Variants in DYTN observed in about 807,000 individuals in gnomAD.
DYTN encodes dystrotelin.
A neutral mutation model predicts 69.6 loss-of-function variants in DYTN; 75 were observed. The ratio of observed to expected loss-of-function variants is 1.08; its 90% CI spans 0.89 to 1.31. The LOEUF is 1.31. Among genes scored for constraint, DYTN ranks in the 50% most tolerant of loss-of-function variants. The pLI is 0.00. For synonymous variants in DYTN, 252 were observed against 249.1 expected, an observed-to-expected ratio of 1.01 and a Z score of -0.11; for missense variants, 726 against 688.4, an observed-to-expected ratio of 1.05 and a Z score of -0.61.
intron 11 of DYTN, among the ~76,000 whole-genome samples, chr2:206,653,244 C>G (rs1468483425): frequency 1.3e-5 from 2 of 152,140 alleles, no homozygotes; most frequent in Non-Finnish European, 2.9e-5. Context: ...AATAGGAAAG[C>G]CATAATCAAT....
Position 206,651,735 on chromosome 2 carries a change from G to A in DYTN, c.*83C>T, listed in dbSNP as rs1274458952. Reference sequence around the variant, plus strand: ...GTTCACACTAAACTATTAAAAGAAAGGTAGAAGTCTTAATTCTTTTAATAC... The same window carrying A: ...GTTCACACTAAACTATTAAAAGAAAAGTAGAAGTCTTAATTCTTTTAATAC... On this transcript the variant is annotated 3_prime_UTR_variant, in exon 12 of 12. Coordinates refer to ENST00000452335, the MANE Select transcript of DYTN (RefSeq NM_001093730.1). The A allele has an allele frequency of 1.6e-6, 2 of 1,266,158 alleles. No individual in the cohort carries two copies. The highest frequency in any genetic ancestry group is 1.1e-6 in the Non-Finnish European group (1 of 886,926). The allele number at this position is 1,266,158 out of a possible 1,614,324, so 78.4% of individuals were successfully genotyped here. A position where few individuals can be genotyped will look rare whatever the true frequency, so the allele number is the denominator to read the frequency against.
intron 5 of DYTN, among the ~76,000 whole-genome samples, chr2:206,704,225 C>T (rs751445812): frequency 2.6e-5 from 4 of 152,028 alleles, no homozygotes; most frequent in East Asian, 1.9e-4. Context: ...TGACAAGTGC[C>T]GCAACAAAGT....
intron 5 of DYTN, among the ~76,000 whole-genome samples, 174 bp from the exon 6 acceptor site, chr2:206,700,390 T>A (rs1453336080): frequency 6.6e-6 from 1 of 152,046 alleles, no homozygotes; most frequent in Non-Finnish European, 1.5e-5. Flanking sequence ...TTTTGTGCAA[T>A]GTTTGGGTTA....
intron 1 of DYTN, among the ~76,000 whole-genome samples, chr2:206,711,809 C>A (rs1466419075): frequency 2.9e-5 from 4 of 137,576 alleles, no homozygotes; most frequent in Non-Finnish European, 6.1e-5. Flanking sequence ...TTGTTCAATT[C>A]TCTTACCTTT....
At chr2:206,666,732 G>GGTGTGTGT (rs1288288446) in intron 9 of DYTN, among the ~76,000 whole-genome samples, 5 of 122,386 alleles carry the variant, frequency 4.1e-5, no homozygotes, top group African/African-American at 1.6e-4. Flanking sequence ...CTCACTCATG[G>GGTGTGTGT]GTGTGCGTGT....
At chr2:206,706,664 T>TATTCTAAAGGATGA (rs1700030802) in intron 3 of DYTN, among the ~76,000 whole-genome samples, 1 of 152,170 alleles carries the variant, frequency 6.6e-6, no homozygotes, top group African/African-American at 2.4e-5. Context: ...TTGAAAAGTT[T>TATTCTAAAGGATGA]ATTCTAAAGG....
intron 11 of DYTN, among the ~76,000 whole-genome samples, chr2:206,653,432 T>C (rs548506430): frequency 1.3e-5 from 2 of 152,250 alleles, no homozygotes; most frequent in East Asian, 1.9e-4. Context: ...AGAGACCTAA[T>C]GAGATGTTAG....
chr2:206,700,128 A>G lies in DYTN; in HGVS notation c.555+17T>C, dbSNP rs1360989773. ...CGTGTCTGTCCCCAACTCCAGGGAC[A>G]TTTGCAAGGCACTCACCCCTTGGAA... On this transcript the variant is annotated intron_variant, in intron 6 of 11. Coordinates refer to ENST00000452335, the MANE Select transcript of DYTN (RefSeq NM_001093730.1). 1 of 1,613,858 alleles carries G rather than the reference A, an allele frequency of 6.2e-7. No individual in the cohort carries two copies. The highest frequency in any genetic ancestry group is 8.5e-7 in the Non-Finnish European group (1 of 1,179,756).
intron 1 of DYTN, among the ~76,000 whole-genome samples, chr2:206,717,545 G>T (rs1700141239): frequency 6.6e-6 from 1 of 152,200 alleles, no homozygotes; most frequent in East Asian, 1.9e-4. Flanking sequence ...GAAGAAAATT[G>T]AGAGTTGAAT....
chr2:206,670,201 G>A (rs1363258469), intron 9 of DYTN, among the ~76,000 whole-genome samples: 2 of 152,148 alleles, frequency 1.3e-5, no homozygotes, highest in Non-Finnish European at 2.9e-5. Context: ...ATATACACAA[G>A]AATCAATACT....
intron 4 of DYTN, among the ~76,000 whole-genome samples, chr2:206,705,242 G>T (rs984309966): frequency 6.6e-6 from 1 of 152,036 alleles, no homozygotes; most frequent in Non-Finnish European, 1.5e-5. Context: ...GATTACAGGC[G>T]TGTGCCACCA....
intron 2 of DYTN, among the ~76,000 whole-genome samples, chr2:206,707,754 A>C (rs970491861): frequency 1.3e-5 from 2 of 152,164 alleles, no homozygotes; most frequent in South Asian, 4.1e-4. Flanking sequence ...CATTATTACC[A>C]GTACAGTTTC....
At chr2:206,662,614 T>TAAC (rs147327778) in intron 11 of DYTN, among the ~76,000 whole-genome samples, 1,746 of 151,930 alleles carry the variant, frequency 0.011, 33 homozygotes, top group African/African-American at 0.04. Flanking sequence ...CTGATAATAA[T>TAAC]AACAATATTT....
rs184241602 is a variant in DYTN at position 206,672,515 on chromosome 2, G to A, written c.981-6486C>T. On this transcript the variant is annotated intron_variant, in intron 9 of 11. Transcript: ENST00000452335. Reference sequence around the variant, plus strand: ...TAGCATGATGCCTGTGTCTTGGCAGGTGTCCCATGAGGGGTGTCTCCTGGT... The same window carrying A: ...TAGCATGATGCCTGTGTCTTGGCAGATGTCCCATGAGGGGTGTCTCCTGGT... Among the ~76,000 whole-genome samples the A allele has an allele frequency of 3.7e-4, 56 of 152,292 alleles. 1 individual carries two copies. Among genetic ancestry groups the A allele is most frequent in the African/African-American group, 1.3e-3 (52 of 41,556 alleles).
chr2:206,699,728 T>G lies in DYTN; in HGVS notation c.718A>C (p.Arg240=). Reference sequence around the variant, plus strand: ...AAGAAATGCTGCTGATGACTGTACCTGAGTCCCGTGATTGGGAAAGTCCTG... The same window carrying G: ...AAGAAATGCTGCTGATGACTGTACCGGAGTCCCGTGATTGGGAAAGTCCTG... ...LCRTFPITGL[R]YRCLKCLNFD... Residue 240 remains arginine (R), a splice_region_variant and synonymous_variant, in exon 7 of 12, where the codon AGA becomes CGA. Transcript: ENST00000452335. 1 of 1,612,482 alleles carries G rather than the reference T, an allele frequency of 6.2e-7. No homozygotes were observed. The highest frequency in any genetic ancestry group is 8.5e-7 in the Non-Finnish European group (1 of 1,179,260).
At chr2:206,653,448 A>G (rs1699410840) in intron 11 of DYTN, among the ~76,000 whole-genome samples, 1 of 152,204 alleles carries the variant, frequency 6.6e-6, no homozygotes, top group Non-Finnish European at 1.5e-5. Flanking sequence ...GTTAGATGGA[A>G]CACTTGTGAA....
At chr2:206,680,999 C>T (rs1699745220) in intron 9 of DYTN, among the ~76,000 whole-genome samples, 1 of 152,128 alleles carries the variant, frequency 6.6e-6, no homozygotes, top group Non-Finnish European at 1.5e-5. Context: ...ATTGGTTCTT[C>T]TATTCATGAG....
intron 9 of DYTN, among the ~76,000 whole-genome samples, chr2:206,673,313 A>C (rs1168986021): frequency 6.6e-6 from 1 of 152,080 alleles, no homozygotes. Flanking sequence ...GCTGGAGTGC[A>C]ATGGCACAGT....
In DYTN at chr2:206,704,905, A is replaced by G. The variant is rs1409695670; in HGVS notation, c.421T>C (p.Tyr141His). ...QLYAENSRGG[Y>H]DSGPRMTRRV... ...CGAGTCATGCGTGGCCCAGAATCAT[A>G]GCCTCCCCTGCTATTTTCTGCATAG... The change falls in exon 5 of 12, where the codon TAT becomes CAT. Residue 141 changes from tyrosine (Y) to histidine (H), a missense_variant. Tyr to His is a moderately conservative substitution (Grantham distance 83, BLOSUM62 2). Transcript: ENST00000452335. 3 of 1,613,758 alleles carry G rather than the reference A, an allele frequency of 1.9e-6. No homozygotes were observed. Among genetic ancestry groups the G allele is most frequent in the Middle Eastern group, 1.6e-4 (1 of 6,080 alleles).
Sources: gnomAD v4.1 joint callset for allele counts (sites outside exome capture counted in the v4.1 genomes callset) on GRCh38, gnomAD v4.1.1 for gene constraint, MANE v1.5 for transcripts, NCBI Gene and HGNC (gene_info 2026-07-23, HGNC 2026-07-21) for gene names.